GPC6: variants seen among roughly 807,000 people sequenced by gnomAD.
GPC6 encodes glypican-6.
GPC6 carries 14 observed loss-of-function variants against 55.2 expected under a neutral mutation model. The observed-to-expected ratio is 0.25, with a 90% CI of 0.17 to 0.40. The LOEUF is 0.40. Ranked by LOEUF, GPC6 falls within the 10% of genes least tolerant of loss-of-function variation. The pLI is 1.00. For missense variants in GPC6, 641 were observed against 708.5 expected (o/e 0.90, Z 1.08); for synonymous variants, 278 against 259.6 (o/e 1.07, Z -0.68).
Position 93,227,638 on chromosome 13 carries a change from G to A in GPC6, c.160+22G>A, listed in dbSNP as rs753450816. The A allele has an allele frequency of 1.9e-6, 3 of 1,577,080 alleles. No individual in the cohort carries two copies. The highest frequency in any genetic ancestry group is 2.3e-5 in the East Asian group (1 of 43,638). ...GCAGGTAAGCGCGGGCGCGCTGCAG[G>A]GGCAGGCTGCAGCCCTCGGCTGCCG... On this transcript the variant is annotated intron_variant, in intron 1 of 8. Coordinates refer to ENST00000377047, the MANE Select transcript of GPC6 (RefSeq NM_005708.5). This position sits in a 1 kb window ranked among gnomAD's most constrained non-coding sequence, Gnocchi z 4.3.
intron 1 of GPC6, among the ~76,000 whole-genome samples, chr13:93,340,369 C>A (rs760365725): frequency 6.6e-6 from 1 of 152,062 alleles, no homozygotes; most frequent in Non-Finnish European, 1.5e-5. Context: ...TTATGTGTTG[C>A]GCATTTTCAA....
intron 2 of GPC6, among the ~76,000 whole-genome samples, chr13:93,754,145 C>G (rs1158240744): frequency 6.6e-6 from 1 of 152,134 alleles, no homozygotes; most frequent in African/African-American, 2.4e-5. Flanking sequence ...TATTTTCAAA[C>G]TTTCTCCTCT....
chr13:93,290,661 T>A (rs919815575), intron 1 of GPC6, among the ~76,000 whole-genome samples: 11 of 152,120 alleles, frequency 7.2e-5, no homozygotes, highest in Non-Finnish European at 1.2e-4. Context: ...CAGACTTCTG[T>A]GCATAAAGAT....
chr13:94,283,362 A>G (rs960564335), intron 4 of GPC6, among the ~76,000 whole-genome samples: 13 of 152,352 alleles, frequency 8.5e-5, no homozygotes, highest in African/African-American at 3.1e-4. Flanking sequence ...TGTGAACTAC[A>G]TGACTTATAC....
chr13:93,892,782 A>G (rs189193612), intron 3 of GPC6, among the ~76,000 whole-genome samples: 29 of 152,258 alleles, frequency 1.9e-4, no homozygotes, highest in Admixed American at 2.0e-4. Flanking sequence ...ATAAATCAGA[A>G]TCTAGAATGA....
intron 3 of GPC6, among the ~76,000 whole-genome samples, chr13:93,900,369 A>G (rs1057291576): frequency 1.3e-5 from 2 of 152,102 alleles, no homozygotes; most frequent in African/African-American, 4.8e-5. Flanking sequence ...ATTAGACTCA[A>G]ATTTCTGGGC....
intron 2 of GPC6, among the ~76,000 whole-genome samples, chr13:93,741,358 A>C (rs1407327071): frequency 6.6e-6 from 1 of 151,742 alleles, no homozygotes; most frequent in African/African-American, 2.4e-5. Context: ...CTCGTGATCC[A>C]CCCATCTCAG....
intron 4 of GPC6, among the ~76,000 whole-genome samples, chr13:94,272,827 G>C (rs1892088576): frequency 6.6e-6 from 1 of 152,034 alleles, no homozygotes; most frequent in South Asian, 2.1e-4. Context: ...GCGTGATGGA[G>C]TAGAAAGATA....
intron 3 of GPC6, among the ~76,000 whole-genome samples, chr13:93,894,701 A>T (rs559614063): frequency 6.6e-6 from 1 of 152,090 alleles, no homozygotes; most frequent in Non-Finnish European, 1.5e-5. Flanking sequence ...TAACTAACAG[A>T]TTTGTAGCTG....
intron 1 of GPC6, among the ~76,000 whole-genome samples, chr13:93,334,355 T>C (rs1879969167): frequency 1.3e-5 from 2 of 152,194 alleles, no homozygotes; most frequent in Admixed American, 6.5e-5. Context: ...CATCATAGAA[T>C]TGACTAATCA....
At chr13:93,876,842 G>A (rs1874620514) in intron 3 of GPC6, among the ~76,000 whole-genome samples, 2 of 151,948 alleles carry the variant, frequency 1.3e-5, no homozygotes, top group Admixed American at 6.6e-5. Flanking sequence ...TATTGCACAT[G>A]GTTTTCACAA....
Position 93,597,013 on chromosome 13 carries a change from A to G in GPC6, c.319+51592A>G, listed in dbSNP as rs1185404312. On this transcript the variant is annotated intron_variant, in intron 2 of 8. Coordinates refer to ENST00000377047, the MANE Select transcript of GPC6 (RefSeq NM_005708.5). ...TATTTTAGTTCAAATCTGGCAAAAA[A>G]AAAAAAAAAAAAAAAAAGAAAAGAA... is the stretch of plus-strand genomic sequence containing the variant. 3.4e-5 allele frequency among the ~76,000 whole-genome samples: 4 copies of G among 117,948 alleles called. No homozygotes were observed. In the East Asian group the frequency reaches 6.6e-4, roughly 19 times the overall value. 77.4% of individuals were successfully genotyped at this position (117,948 alleles called of 152,430 possible).
chr13:93,251,384 T>C (rs1876782200), intron 1 of GPC6, among the ~76,000 whole-genome samples: 1 of 152,118 alleles, frequency 6.6e-6, no homozygotes, highest in African/African-American at 2.4e-5. Context: ...AGGAAATAAA[T>C]GATTTAAGGA....
rs1358733557 is a variant in GPC6, at chr13:93,861,574, T to C, written c.711+31029T>C. ...CCCAACAAAATGTTTAAAGCTCTTA[T>C]TTTAAGCCCATTTCTGGCACCTGGT... is the stretch of plus-strand genomic sequence containing the variant. On this transcript the variant is annotated intron_variant, in intron 3 of 8. Coordinates refer to ENST00000377047, the MANE Select transcript of GPC6 (RefSeq NM_005708.5). 2.0e-5 allele frequency among the ~76,000 whole-genome samples: 3 copies of C among 151,800 alleles called. No homozygotes were observed. The East Asian group carries it at 5.9e-4, about 30-fold the overall frequency.
intron 3 of GPC6, among the ~76,000 whole-genome samples, chr13:93,839,282 C>T (rs1887862508): frequency 6.6e-6 from 1 of 152,026 alleles, no homozygotes; most frequent in African/African-American, 2.4e-5. Flanking sequence ...CATAAATAGG[C>T]TGTTACTGTT....
At chr13:93,567,805 G>T (rs1251766120) in intron 2 of GPC6, among the ~76,000 whole-genome samples, 1 of 152,044 alleles carries the variant, frequency 6.6e-6, no homozygotes, top group Non-Finnish European at 1.5e-5. Context: ...ACAGATATTT[G>T]CTTTATAAGC....
rs1003504835 is a variant in GPC6 at position 94,293,957 on chromosome 13, T to C, written c.1008+7478T>C. On this transcript the variant is annotated intron_variant, in intron 5 of 8. Coordinates refer to ENST00000377047, the MANE Select transcript of GPC6 (RefSeq NM_005708.5). ...GGAACCTATTGATAAGAAATGTAGTTGTTAGTGCTTCAAGCCCCAACCAAG... is the reference window on the plus strand; with the variant it reads ...GGAACCTATTGATAAGAAATGTAGTCGTTAGTGCTTCAAGCCCCAACCAAG... 2.0e-5 allele frequency among the ~76,000 whole-genome samples: 3 copies of C among 152,168 alleles called. No individual in the cohort carries two copies. The East Asian group carries it at 5.8e-4, about 29-fold the overall frequency.
chr13:93,933,892 C>T (rs146536298), intron 3 of GPC6, among the ~76,000 whole-genome samples: 1 of 152,156 alleles, frequency 6.6e-6, no homozygotes, highest in Non-Finnish European at 1.5e-5. Flanking sequence ...CAGCCCCTTC[C>T]ATGGAGTCTG....
At chr13:93,761,206 A>G (rs559960576) in intron 2 of GPC6, among the ~76,000 whole-genome samples, 1 of 152,342 alleles carries the variant, frequency 6.6e-6, no homozygotes, top group South Asian at 2.1e-4. Flanking sequence ...ATAACTATGA[A>G]TTAGGCACTG....
Sources: allele counts gnomAD v4.1 joint callset (sites outside exome capture counted in the v4.1 genomes callset), GRCh38; gene constraint gnomAD v4.1.1; non-coding constraint Gnocchi (gnomAD v3.1); transcripts MANE v1.5; gene names NCBI Gene and HGNC (gene_info 2026-07-23, HGNC 2026-07-21).